Variants in DLG2 observed in about 807,000 individuals in gnomAD.
DLG2 encodes the protein discs large MAGUK scaffold protein 2.
DLG2 carries 45 observed loss-of-function variants against 132.5 expected under a neutral mutation model. The observed-to-expected ratio is 0.34, with a 90% confidence interval of 0.27 to 0.44. DLG2 has a LOEUF of 0.44. DLG2 is among the 20% of genes least tolerant of loss of function. The pLI, the probability that DLG2 is intolerant of heterozygous loss-of-function variation, is 1.00. For synonymous variants in DLG2, 424 were observed against 419.6 expected (o/e 1.01, Z -0.13); for missense variants, 1,045 against 1,196.9 (o/e 0.87, Z 1.87).
At position 84,806,041 on chromosome 11, in the gene DLG2, A is replaced by T. The variant is rs550740676; in HGVS notation, c.358-271310T>A. ...TAGAAATGAAAAACACGATAAATGA[A>T]ATACCATACAAAACTCCATGGATGG... On this transcript the variant is annotated intron_variant, in intron 6 of 27. Transcript: ENST00000376104. 4.2e-4 allele frequency among the ~76,000 whole-genome samples: 64 copies of T among 152,336 alleles called. 2 individuals carry two copies. In the South Asian group the frequency reaches 0.013, roughly 30 times the overall value.
At chr11:85,411,879 C>T (rs2152981115) in intron 3 of DLG2, among the ~76,000 whole-genome samples, 1 of 151,984 alleles carries the variant, frequency 6.6e-6, no homozygotes, top group Non-Finnish European at 1.5e-5. Context: ...AAAAAGCCCT[C>T]CACTTCTACA....
chr11:85,505,131 G>T (rs529724832), intron 3 of DLG2, among the ~76,000 whole-genome samples: 1 of 152,256 alleles, frequency 6.6e-6, no homozygotes, highest in East Asian at 1.9e-4. Context: ...CTGAGACAAT[G>T]GGGTTTTCTA....
intron 23 of DLG2, 64 bp downstream of exon 23, chr11:83,472,662 CT>C (rs2092199160): frequency 7.0e-7 from 1 of 1,429,844 alleles, no homozygotes; most frequent in South Asian, 1.2e-5. Context: ...CACTCTTTCC[CT>C]CCTTCAATGA....
chr11:84,694,067 GCAT>G (rs554590817), intron 6 of DLG2, among the ~76,000 whole-genome samples: 181 of 151,664 alleles, frequency 1.2e-3, no homozygotes, highest in Non-Finnish European at 1.9e-3. Context: ...ATTCACCTCT[GCAT>G]CATATTATTA....
intron 15 of DLG2, among the ~76,000 whole-genome samples, chr11:83,886,525 AATAG>A (rs986846207): frequency 6.6e-6 from 1 of 152,204 alleles, no homozygotes; most frequent in Non-Finnish European, 1.5e-5. Context: ...CACTGTCAAC[AATAG>A]ACAGATGAAT....
intron 6 of DLG2, among the ~76,000 whole-genome samples, chr11:85,090,510 T>C (rs186907222): frequency 5.8e-4 from 88 of 152,292 alleles, no homozygotes; most frequent in African/African-American, 2.0e-3. Context: ...TTTTCACACA[T>C]CTGTACTTAG....
intron 6 of DLG2, among the ~76,000 whole-genome samples, chr11:84,588,884 C>G (rs922501959): frequency 1.3e-5 from 2 of 152,012 alleles, no homozygotes; most frequent in Non-Finnish European, 2.9e-5. Context: ...AATAAACTTG[C>G]TTTTACTTTA....
chr11:83,625,849 G>A (rs773310188), intron 19 of DLG2, among the ~76,000 whole-genome samples: 5 of 152,212 alleles, frequency 3.3e-5, no homozygotes, highest in Non-Finnish European at 7.3e-5. Context: ...GGTAGAGCCT[G>A]CATCCTGAGG....
chr11:83,590,177 C>G (rs1468536227), intron 19 of DLG2, among the ~76,000 whole-genome samples: 1 of 148,990 alleles, frequency 6.7e-6, no homozygotes, highest in African/African-American at 2.5e-5. Context: ...CCCAAATCAA[C>G]AGAATATACA....
chr11:85,574,227 G>C (rs546797418), intron 3 of DLG2, among the ~76,000 whole-genome samples: 37 of 151,590 alleles, frequency 2.4e-4, no homozygotes, highest in African/African-American at 8.7e-4. Flanking sequence ...CAAATATCAT[G>C]GTTTTAAAAA....
chr11:85,384,560 T>C (rs1033975932), intron 3 of DLG2, among the ~76,000 whole-genome samples: 2 of 152,114 alleles, frequency 1.3e-5, no homozygotes, highest in African/African-American at 4.8e-5. Context: ...TAAATATTTT[T>C]TGTTTGTTTT....
intron 8 of DLG2, among the ~76,000 whole-genome samples, chr11:84,203,301 C>T (rs185998969): frequency 3.9e-5 from 6 of 151,912 alleles, no homozygotes; most frequent in South Asian, 2.1e-4. Context: ...GAATGCGATC[C>T]GCCAGGTGTG....
At chr11:83,673,364 C>T (rs1311192383) in intron 18 of DLG2, among the ~76,000 whole-genome samples, 2 of 152,096 alleles carry the variant, frequency 1.3e-5, no homozygotes, top group Admixed American at 6.6e-5. Context: ...CTTTTTCTAA[C>T]GTCCTATGTT....
intron 7 of DLG2, among the ~76,000 whole-genome samples, chr11:84,500,860 C>T (rs978872086): frequency 6.6e-6 from 1 of 152,154 alleles, no homozygotes; most frequent in Non-Finnish European, 1.5e-5. Flanking sequence ...GAAACTCACC[C>T]TAAAACAGTT....
At chr11:84,150,335 G>A (rs962335212) in intron 9 of DLG2, among the ~76,000 whole-genome samples, 2 of 152,054 alleles carry the variant, frequency 1.3e-5, no homozygotes, top group African/African-American at 4.8e-5. Context: ...GTATCCTGCT[G>A]TAAATAGGAT....
chr11:84,700,187 G>T (rs1344622742), intron 6 of DLG2, among the ~76,000 whole-genome samples: 2 of 151,488 alleles, frequency 1.3e-5, no homozygotes, highest in African/African-American at 4.8e-5. Context: ...GACATTATTT[G>T]TACAGTATAA....
At chr11:84,812,804 AC>A (rs1331696912) in intron 6 of DLG2, among the ~76,000 whole-genome samples, 3 of 152,138 alleles carry the variant, frequency 2.0e-5, no homozygotes, top group Non-Finnish European at 4.4e-5. Flanking sequence ...AGAACACACA[AC>A]ATTTATGATT....
At chr11:84,524,011 T>A (rs554246649) in intron 7 of DLG2, among the ~76,000 whole-genome samples, 3 of 152,102 alleles carry the variant, frequency 2.0e-5, no homozygotes, top group Non-Finnish European at 4.4e-5. Flanking sequence ...CTTCCATGGG[T>A]GTCCAGTCTT....
At chr11:83,732,186 A>G (rs1298148640) in intron 18 of DLG2, among the ~76,000 whole-genome samples, 5 of 152,198 alleles carry the variant, frequency 3.3e-5, no homozygotes, top group African/African-American at 1.2e-4. Flanking sequence ...TGATTCCAGA[A>G]AGCACGTATA....
Sources: gnomAD v4.1 joint callset for allele counts (sites outside exome capture counted in the v4.1 genomes callset) on GRCh38, gnomAD v4.1.1 for gene constraint, MANE v1.5 for transcripts, NCBI Gene and HGNC (gene_info 2026-07-23, HGNC 2026-07-21) for gene names.